The following CTNND2 variants were observed in gnomAD, a reference collection of about 807,000 sequenced individuals.
CTNND2 encodes catenin delta-2.
CTNND2 carries 22 observed loss-of-function variants against 144.4 expected under a neutral mutation model. The ratio of observed to expected loss-of-function variants is 0.15; its 90% CI spans 0.11 to 0.22. CTNND2 has a LOEUF of 0.22. Ranked by LOEUF, CTNND2 falls within the 10% of genes least tolerant of loss-of-function variation. The pLI, the probability that CTNND2 is intolerant of heterozygous loss-of-function variation, is 1.00. For synonymous variants in CTNND2, 751 were observed against 695.6 expected (o/e 1.08, Z -1.25); for missense variants, 1,353 against 1,618.8 (o/e 0.84, Z 2.82).
chr5:11,868,540 T>C (rs575399534), intron 1 of CTNND2, among the ~76,000 whole-genome samples: 4 of 152,260 alleles, frequency 2.6e-5, no homozygotes, highest in Non-Finnish European at 5.9e-5. Flanking sequence ...TGAATAGACA[T>C]TACTCCTAAG....
At chr5:11,034,234 T>C (rs1743819922) in intron 16 of CTNND2, among the ~76,000 whole-genome samples, 1 of 152,244 alleles carries the variant, frequency 6.6e-6, no homozygotes, top group Admixed American at 6.5e-5. Context: ...CAATTTTTAA[T>C]AATACGAATT....
At chr5:11,568,384 T>C (rs530881838) in intron 2 of CTNND2, among the ~76,000 whole-genome samples, 7 of 152,286 alleles carry the variant, frequency 4.6e-5, no homozygotes, top group African/African-American at 1.2e-4. Context: ...AATCATTTCC[T>C]ACCTTACCCC....
At chr5:11,145,791 G>A (rs1245443444) in intron 12 of CTNND2, among the ~76,000 whole-genome samples, 1 of 152,038 alleles carries the variant, frequency 6.6e-6, no homozygotes, top group Non-Finnish European at 1.5e-5. Flanking sequence ...TCCAAATGAC[G>A]CTCCTTCACA....
intron 2 of CTNND2, among the ~76,000 whole-genome samples, chr5:11,726,630 C>T (rs1248532946): frequency 6.6e-6 from 1 of 152,118 alleles, no homozygotes; most frequent in Non-Finnish European, 1.5e-5. Context: ...GAATATTTAA[C>T]AATGAGTTGT....
chr5:11,039,255 T>C (rs1157850428), intron 16 of CTNND2, among the ~76,000 whole-genome samples: 2 of 152,242 alleles, frequency 1.3e-5, no homozygotes, highest in Non-Finnish European at 1.5e-5. Flanking sequence ...AAAACTGCTG[T>C]TTGCCCAGCA....
intron 1 of CTNND2, among the ~76,000 whole-genome samples, chr5:11,879,352 T>TATATATATATATATATATATACATAC (rs1553988803): frequency 9.5e-5 from 13 of 137,198 alleles, no homozygotes; most frequent in African/African-American, 3.5e-4. Context: ...TATATATATA[T>TATATATATATATATATATATACATAC]ATATACATAT....
At chr5:11,452,139 A>G (rs1430235959) in intron 3 of CTNND2, among the ~76,000 whole-genome samples, 1 of 152,258 alleles carries the variant, frequency 6.6e-6, no homozygotes, top group Non-Finnish European at 1.5e-5. Context: ...ACAGCCCTCT[A>G]GGCTAAATAT....
intron 1 of CTNND2, among the ~76,000 whole-genome samples, chr5:11,767,223 CA>C (rs1163496925): frequency 6.6e-6 from 1 of 152,190 alleles, no homozygotes; most frequent in African/African-American, 2.4e-5. Context: ...GAGTAATGTG[CA>C]ACCTATGCAG....
At chr5:11,383,887 C>T (rs1051138231) in intron 7 of CTNND2, among the ~76,000 whole-genome samples, 3 of 152,222 alleles carry the variant, frequency 2.0e-5, no homozygotes, top group Non-Finnish European at 4.4e-5. Flanking sequence ...AGCAGAGAGG[C>T]ACCAGCGCAG....
chr5:11,834,853 G>A (rs1368693214), intron 1 of CTNND2, among the ~76,000 whole-genome samples: 1 of 152,198 alleles, frequency 6.6e-6, no homozygotes, highest in Non-Finnish European at 1.5e-5. Context: ...ATTTAAAAGT[G>A]GATGGAGCCA....
intron 1 of CTNND2, among the ~76,000 whole-genome samples, chr5:11,758,573 C>T (rs1313751879): frequency 6.6e-6 from 1 of 151,870 alleles, no homozygotes; most frequent in Middle Eastern, 3.2e-3. Flanking sequence ...AGTTATCTTC[C>T]AAGAGACCAT....
chr5:11,097,104 CA>C (rs745511153), intron 15 of CTNND2, among the ~76,000 whole-genome samples: 4 of 152,166 alleles, frequency 2.6e-5, no homozygotes, highest in Non-Finnish European at 5.9e-5. Flanking sequence ...CTGCAGATGA[CA>C]CATCTGAGAC....
intron 3 of CTNND2, among the ~76,000 whole-genome samples, chr5:11,470,062 T>C: frequency 6.6e-6 from 1 of 152,202 alleles, no homozygotes; most frequent in Non-Finnish European, 1.5e-5. Flanking sequence ...AATAATTCTA[T>C]GCTATCCAAC....
chr5:11,132,080 T>C (rs1389695128), intron 12 of CTNND2, among the ~76,000 whole-genome samples: 1 of 152,238 alleles, frequency 6.6e-6, no homozygotes, highest in Non-Finnish European at 1.5e-5. Flanking sequence ...GAACTGCATA[T>C]ACTCTCACAT....
intron 1 of CTNND2, among the ~76,000 whole-genome samples, chr5:11,857,477 C>A (rs566479460): frequency 1.3e-5 from 2 of 152,226 alleles, no homozygotes; most frequent in African/African-American, 2.4e-5. Context: ...GGACAGGGTG[C>A]GAGCAAGAGG....
At chr5:11,149,676 C>T (rs181894121) in intron 12 of CTNND2, among the ~76,000 whole-genome samples, 2 of 152,044 alleles carry the variant, frequency 1.3e-5, no homozygotes, top group African/African-American at 2.4e-5. Flanking sequence ...GAAGTCCTGG[C>T]GGTCTGTCCT....
chr5:11,264,625 C>T (rs1200503214), intron 9 of CTNND2, among the ~76,000 whole-genome samples: 1 of 152,184 alleles, frequency 6.6e-6, no homozygotes, highest in Non-Finnish European at 1.5e-5. Context: ...CAATTCTGCA[C>T]TTTTGTTAAA....
chr5:11,309,019 C>T (rs1177841693), intron 9 of CTNND2, among the ~76,000 whole-genome samples: 2 of 152,196 alleles, frequency 1.3e-5, no homozygotes, highest in Admixed American at 6.5e-5. Context: ...GTCATGAGAA[C>T]AGCAAGGGGG....
chr5:11,732,030 A>G, intron 2 of CTNND2, 106 bp downstream of exon 2: 1 of 1,023,088 alleles, frequency 9.8e-7, no homozygotes, highest in African/African-American at 1.6e-5. Flanking sequence ...ACTCTGCTAC[A>G]TGAGTATGAG....
Sources: allele counts gnomAD v4.1 joint callset (sites outside exome capture counted in the v4.1 genomes callset), GRCh38; gene constraint gnomAD v4.1.1; transcripts MANE v1.5; gene names NCBI Gene and HGNC (gene_info 2026-07-23, HGNC 2026-07-21).